The following POU2F3 variants were observed in gnomAD, a reference collection of about 807,000 sequenced individuals.
The protein encoded by POU2F3 is POU class 2 homeobox 3.
Under a neutral mutation model 59.2 loss-of-function variants are expected in POU2F3, and 23 were observed. The ratio of observed to expected loss-of-function variants is 0.39; its 90% CI spans 0.28 to 0.55. The LOEUF (loss-of-function observed/expected upper bound fraction) is 0.55, where lower values mean the gene tolerates loss of function less well. Ranked by LOEUF, POU2F3 falls within the 20% of genes least tolerant of loss-of-function variation. POU2F3 has a pLI of 0.66. For synonymous variants in POU2F3, 190 were observed against 214.6 expected (o/e 0.89, Z 1.00); for missense variants, 473 against 544.5 (o/e 0.87, Z 1.31).
intron 6 of POU2F3, chr11:120,302,709 C>A (rs766761676): frequency 1.6e-5 from 4 of 253,642 alleles, no homozygotes; most frequent in Non-Finnish European, 3.0e-5. Flanking sequence ...AAGATGGCCA[C>A]GAACCCTACC....
intron 1 of POU2F3, among the ~76,000 whole-genome samples, chr11:120,242,765 T>C (rs1938719532): frequency 6.6e-6 from 1 of 152,166 alleles, no homozygotes; most frequent in Non-Finnish European, 1.5e-5. Context: ...CTTCGCACCT[T>C]GTACTTTATA....
chr11:120,263,300 ACCATT>A (rs1939685437), intron 2 of POU2F3, among the ~76,000 whole-genome samples: 1 of 152,058 alleles, frequency 6.6e-6, no homozygotes, highest in Non-Finnish European at 1.5e-5. Context: ...TACCATCTTA[ACCATT>A]TCTAAGCATA....
At position 120,253,166 on chromosome 11, in the gene POU2F3, A is replaced by G. The variant is rs181479087; in HGVS notation, c.97+6649A>G. Among the ~76,000 whole-genome samples, 478 of 152,216 alleles carry G rather than the reference A, an allele frequency of 3.1e-3. 2 individuals are homozygous for G. Among genetic ancestry groups the G allele is most frequent in the African/African-American group, 0.011 (446 of 41,524 alleles). On this transcript the variant is annotated intron_variant, in intron 2 of 12. Coordinates refer to ENST00000543440, the MANE Select transcript of POU2F3 (RefSeq NM_014352.4). Reference sequence around the variant, plus strand: ...CTGTGCCCGACAGCCTGCAGCTTGCACTTACCATGCGTACTCAACAGCACC... The same window carrying G: ...CTGTGCCCGACAGCCTGCAGCTTGCGCTTACCATGCGTACTCAACAGCACC...
chr11:120,284,891 C>T (rs185572047), intron 3 of POU2F3, among the ~76,000 whole-genome samples: 7 of 152,336 alleles, frequency 4.6e-5, no homozygotes, highest in Admixed American at 4.6e-4. Flanking sequence ...TGCTCTGACA[C>T]AAGGCTGTCT....
Position 120,263,611 on chromosome 11 carries a change from G to A in POU2F3, c.98-5599G>A, listed in dbSNP as rs12291080. Among the ~76,000 whole-genome samples the A allele has an allele frequency of 7.6e-3, 1,152 of 152,284 alleles. 15 individuals carry two copies. The highest frequency in any genetic ancestry group is 0.026 in the African/African-American group (1,094 of 41,552). Reference sequence around the variant, plus strand: ...CGTCACTCAATGCGTTGGAGTTATCGGAAAAACTGTGTGAGTTTGGTAGTT... The same window carrying A: ...CGTCACTCAATGCGTTGGAGTTATCAGAAAAACTGTGTGAGTTTGGTAGTT... On this transcript the variant is annotated intron_variant, in intron 2 of 12. Coordinates refer to ENST00000543440, the MANE Select transcript of POU2F3 (RefSeq NM_014352.4).
chr11:120,282,220 G>A (rs767933217), intron 3 of POU2F3, among the ~76,000 whole-genome samples: 2 of 152,188 alleles, frequency 1.3e-5, no homozygotes, highest in African/African-American at 2.4e-5. Context: ...CCATGCTTTC[G>A]GTCTGGGCTA....
At chr11:120,270,418 A>G (rs985884068) in intron 3 of POU2F3, among the ~76,000 whole-genome samples, 1 of 152,228 alleles carries the variant, frequency 6.6e-6, no homozygotes, top group African/African-American at 2.4e-5. Context: ...AAATAGGAAC[A>G]CTGAATTCTT....
chr11:120,252,488 A>G (rs564416512), intron 2 of POU2F3, among the ~76,000 whole-genome samples: 17 of 152,232 alleles, frequency 1.1e-4, no homozygotes, highest in Non-Finnish European at 1.9e-4. Flanking sequence ...GATTACAGGC[A>G]TGAGCCTCCG....
chr11:120,285,355 G>A lies in POU2F3; in HGVS notation c.133-12910G>A, dbSNP rs1460681019. ...GACTGAGTGGGTTGAAATGCTAGACGCCATCACCTCTCTTGGTCACTCTGC... is the reference window on the plus strand; with the variant it reads ...GACTGAGTGGGTTGAAATGCTAGACACCATCACCTCTCTTGGTCACTCTGC... On this transcript the variant is annotated intron_variant, in intron 3 of 12. Transcript: ENST00000543440. This position sits in a 1 kb window ranked among gnomAD's most constrained non-coding sequence, Gnocchi z 4.3. 3.3e-5 allele frequency among the ~76,000 whole-genome samples: 5 copies of A among 152,214 alleles called. No homozygotes were observed. The highest frequency in any genetic ancestry group is 3.4e-3 in the Middle Eastern group (1 of 294).
chr11:120,237,795 A>C (rs2135107377), upstream of POU2F3, among the ~76,000 whole-genome samples: 1 of 152,246 alleles, frequency 6.6e-6, no homozygotes, highest in East Asian at 1.9e-4. Flanking sequence ...CCAAACCTGA[A>C]GTTGGGGAGG....
intron 10 of POU2F3, among the ~76,000 whole-genome samples, chr11:120,314,761 C>T (rs2135138113): frequency 6.6e-6 from 1 of 152,190 alleles, no homozygotes; most frequent in South Asian, 2.1e-4. Flanking sequence ...CAAAGTTATC[C>T]CAGGTCCCTT....
chr11:120,258,279 AAACC>A (rs1027958924), intron 2 of POU2F3, among the ~76,000 whole-genome samples: 4 of 152,016 alleles, frequency 2.6e-5, no homozygotes, highest in African/African-American at 2.4e-5. Context: ...TACTAACCTT[AAACC>A]TCTCTGAGCC....
chr11:120,240,829 G>C (rs947248049), intron 1 of POU2F3, among the ~76,000 whole-genome samples: 1 of 152,124 alleles, frequency 6.6e-6, no homozygotes, highest in Non-Finnish European at 1.5e-5. Flanking sequence ...TAGGTGGTTG[G>C]GGGGCTTAGG....
At chr11:120,271,347 T>C (rs891240212) in intron 3 of POU2F3, among the ~76,000 whole-genome samples, 3 of 152,186 alleles carry the variant, frequency 2.0e-5, no homozygotes, top group Admixed American at 6.5e-5. Flanking sequence ...ACCTCAGAGA[T>C]AGTTTGGCCA....
intron 1 of POU2F3, among the ~76,000 whole-genome samples, chr11:120,240,766 T>C (rs912214065): frequency 6.6e-6 from 1 of 152,088 alleles, no homozygotes; most frequent in Non-Finnish European, 1.5e-5. Context: ...TATGTCCACA[T>C]GCTGTGTGCT....
At chr11:120,251,176 G>T (rs1939081435) in intron 2 of POU2F3, among the ~76,000 whole-genome samples, 1 of 152,148 alleles carries the variant, frequency 6.6e-6, no homozygotes, top group Admixed American at 6.5e-5. Flanking sequence ...ATCTTGCTAT[G>T]TTGCCCAAGC....
At chr11:120,245,980 G>A (rs1428497571) in intron 1 of POU2F3, among the ~76,000 whole-genome samples, 1 of 152,144 alleles carries the variant, frequency 6.6e-6, no homozygotes, top group Non-Finnish European at 1.5e-5. Context: ...CTTGGTTTAA[G>A]GGCACTCTTA....
chr11:120,297,626 G>C (rs954756039), intron 3 of POU2F3, among the ~76,000 whole-genome samples: 10 of 152,212 alleles, frequency 6.6e-5, no homozygotes, highest in African/African-American at 2.4e-4. Flanking sequence ...ATTTGAGGGA[G>C]ATCAGTAAAG....
intron 2 of POU2F3, chr11:120,261,405 G>C (rs1177633390): frequency 6.6e-6 from 1 of 152,212 alleles, no homozygotes; most frequent in Non-Finnish European, 1.5e-5. Flanking sequence ...ATGAGCCAGA[G>C]TTCCTGGGCA....
Sources: allele counts gnomAD v4.1 joint callset (sites outside exome capture counted in the v4.1 genomes callset), GRCh38; gene constraint gnomAD v4.1.1; non-coding constraint Gnocchi (gnomAD v3.1); transcripts MANE v1.5; gene names NCBI Gene and HGNC (gene_info 2026-07-23, HGNC 2026-07-21).